CSMD1: variants seen among roughly 807,000 people sequenced by gnomAD.
The protein encoded by CSMD1 is CUB and Sushi multiple domains 1, also known as CUB and sushi domain-containing protein 1.
In CSMD1, 213 loss-of-function variants were observed where a neutral mutation model predicts 417.5. The observed-to-expected ratio is 0.51, with a 90% CI of 0.46 to 0.57. CSMD1 has a LOEUF of 0.57. CSMD1 is among the 20% of genes least tolerant of loss of function. The pLI is 0.00. For synonymous variants in CSMD1, 2,862 were observed against 1,736.8 expected (o/e 1.65, Z -16.11); for missense variants, 6,923 against 4,529.7 (o/e 1.53, Z -15.17).
chr8:3,457,504 A>C (rs1456385613), intron 12 of CSMD1, among the ~76,000 whole-genome samples: 1 of 152,232 alleles, frequency 6.6e-6, no homozygotes, highest in Admixed American at 6.5e-5. Context: ...ATTGGAGCTG[A>C]GTCATCAAAA....
chr8:4,069,023 T>C (rs995813992), intron 3 of CSMD1, among the ~76,000 whole-genome samples: 20 of 152,372 alleles, frequency 1.3e-4, no homozygotes, highest in African/African-American at 4.1e-4. Context: ...ATTTTTACTT[T>C]GCTTATGTTT....
chr8:4,726,219 A>G (rs767597140), intron 1 of CSMD1, among the ~76,000 whole-genome samples: 1 of 151,956 alleles, frequency 6.6e-6, no homozygotes, highest in Non-Finnish European at 1.5e-5. Flanking sequence ...TTCATCACCC[A>G]TATTAGGGTC....
intron 3 of CSMD1, among the ~76,000 whole-genome samples, chr8:4,415,956 G>C (rs1796913731): frequency 1.3e-5 from 2 of 152,146 alleles, no homozygotes. Flanking sequence ...GCAGCCATGG[G>C]ATCTCGGGAA....
At chr8:4,243,864 C>T (rs1802544041) in intron 3 of CSMD1, among the ~76,000 whole-genome samples, 1 of 152,082 alleles carries the variant, frequency 6.6e-6, no homozygotes, top group African/African-American at 2.4e-5. Flanking sequence ...GTGTTATTGC[C>T]TTGATTTGTG....
chr8:3,284,003 C>T (rs1462378799), intron 26 of CSMD1, 141 bp downstream of exon 26: 3 of 754,178 alleles, frequency 4.0e-6, no homozygotes, highest in Non-Finnish European at 6.6e-6. Context: ...TTCTCTGCAA[C>T]ATGCATTTTC....
At chr8:4,435,124 G>T (rs912615384) in intron 2 of CSMD1, among the ~76,000 whole-genome samples, 1 of 151,940 alleles carries the variant, frequency 6.6e-6, no homozygotes, top group Admixed American at 6.6e-5. Context: ...AGGAAAAACT[G>T]TATTTTAAAG....
chr8:4,603,980 A>G (rs1563326538), intron 2 of CSMD1, among the ~76,000 whole-genome samples: 1 of 152,174 alleles, frequency 6.6e-6, no homozygotes, highest in Non-Finnish European at 1.5e-5. Flanking sequence ...ACAAATTGAC[A>G]TGTTATAATC....
At chr8:3,341,225 C>G (rs548123160) in intron 23 of CSMD1, among the ~76,000 whole-genome samples, 7 of 152,156 alleles carry the variant, frequency 4.6e-5, no homozygotes, top group Admixed American at 2.0e-4. Flanking sequence ...AACAAGCCGA[C>G]CACCTATAGT....
At chr8:4,362,634 C>A (rs1442047704) in intron 3 of CSMD1, among the ~76,000 whole-genome samples, 1 of 152,122 alleles carries the variant, frequency 6.6e-6, no homozygotes, top group South Asian at 2.1e-4. Flanking sequence ...CAGTTTGCTA[C>A]CCCCTCTACT....
At chr8:4,420,694 G>A (rs1797200845) in intron 2 of CSMD1, among the ~76,000 whole-genome samples, 1 of 152,100 alleles carries the variant, frequency 6.6e-6, no homozygotes. Flanking sequence ...TGAGTGAGAT[G>A]GTCAGGATAG....
rs554779467 is a variant in CSMD1, at chr8:4,185,725, G to T, written c.416-153626C>A. Among the ~76,000 whole-genome samples the T allele has an allele frequency of 1.1e-4, 17 of 152,270 alleles. No homozygotes were observed. The East Asian group carries it at 2.1e-3, about 19-fold the overall frequency. On this transcript the variant is annotated intron_variant, in intron 3 of 69. Coordinates refer to ENST00000635120, the MANE Select transcript of CSMD1 (RefSeq NM_033225.6). ...TGTACTGAAATATGTTCGTCAGATAGACTCATGCCTTTGAAGAGCTATCAT... is the reference window on the plus strand; with the variant it reads ...TGTACTGAAATATGTTCGTCAGATATACTCATGCCTTTGAAGAGCTATCAT...
rs73498848 is a variant in CSMD1, at chr8:3,765,464, G to A, written c.819-11422C>T. On this transcript the variant is annotated intron_variant, in intron 5 of 69. Transcript: ENST00000635120. ...GTCTTACATTATTAATGGTTGTGTA[G>A]AGGTCTACCTCACCTCTGCACTCTG... 9.0e-3 allele frequency among the ~76,000 whole-genome samples: 1,373 copies of A among 152,274 alleles called. 22 individuals are homozygous for A. The highest frequency in any genetic ancestry group is 0.031 in the African/African-American group (1,289 of 41,538).
At chr8:3,346,401 G>C (rs1196366964) in intron 22 of CSMD1, among the ~76,000 whole-genome samples, 1 of 152,098 alleles carries the variant, frequency 6.6e-6, no homozygotes, top group Non-Finnish European at 1.5e-5. Context: ...TTCTAAATTT[G>C]AGGTTATTAA....
chr8:4,188,167 G>A (rs5028016), intron 3 of CSMD1, among the ~76,000 whole-genome samples: 130,486 of 152,066 alleles, frequency 0.86, 56,130 homozygotes, highest in South Asian at 0.89. Context: ...TAAATTGCAC[G>A]TCATTCTTCT....
chr8:4,111,258 G>C (rs1322774630), intron 3 of CSMD1, among the ~76,000 whole-genome samples: 1 of 152,066 alleles, frequency 6.6e-6, no homozygotes, highest in Non-Finnish European at 1.5e-5. Flanking sequence ...TCATCAGTCA[G>C]TTTGTTTTAG....
At chr8:3,697,825 G>T (rs1800636479) in intron 7 of CSMD1, among the ~76,000 whole-genome samples, 1 of 152,098 alleles carries the variant, frequency 6.6e-6, no homozygotes, top group Admixed American at 6.6e-5. Context: ...TTTTAGGTCT[G>T]CCATCATCTC....
intron 1 of CSMD1, among the ~76,000 whole-genome samples, chr8:4,907,773 C>T (rs934554203): frequency 4.6e-5 from 7 of 151,100 alleles, no homozygotes; most frequent in Non-Finnish European, 8.8e-5. Flanking sequence ...GCTTTGTTTC[C>T]CAGGCTGCTC....
chr8:4,521,056 T>G (rs893392361), intron 2 of CSMD1, among the ~76,000 whole-genome samples: 3 of 152,188 alleles, frequency 2.0e-5, no homozygotes, highest in African/African-American at 7.2e-5. Flanking sequence ...GTCAGAAAAT[T>G]TATGAAAGAT....
At chr8:4,247,559 T>C (rs1456530182) in intron 3 of CSMD1, among the ~76,000 whole-genome samples, 1 of 152,158 alleles carries the variant, frequency 6.6e-6, no homozygotes, top group Non-Finnish European at 1.5e-5. Context: ...CTTTTAAGAA[T>C]TCCGCATAAT....
Sources: gnomAD v4.1 joint callset for allele counts (sites outside exome capture counted in the v4.1 genomes callset) on GRCh38, gnomAD v4.1.1 for gene constraint, MANE v1.5 for transcripts, NCBI Gene and HGNC (gene_info 2026-07-23, HGNC 2026-07-21) for gene names.